The following AGBL4 variants were observed in gnomAD, a reference collection of about 807,000 sequenced individuals.
AGBL4 encodes cytosolic carboxypeptidase 6.
In AGBL4, 58 loss-of-function variants were observed where a neutral mutation model predicts 66.4. That is an observed-to-expected ratio of 0.87 (90% CI 0.71 to 1.09). The LOEUF (loss-of-function observed/expected upper bound fraction) is 1.09, where lower values mean the gene tolerates loss of function less well. Ranked by LOEUF, AGBL4 falls within the 50% of genes least tolerant of loss-of-function variation. The pLI, the probability that AGBL4 is intolerant of heterozygous loss-of-function variation, is 0.00. For synonymous variants in AGBL4, 234 were observed against 222.9 expected (o/e 1.05, Z -0.44); for missense variants, 579 against 631.0 (o/e 0.92, Z 0.88).
chr1:48,711,834 A>G (rs1646972347), intron 6 of AGBL4, among the ~76,000 whole-genome samples: 1 of 151,860 alleles, frequency 6.6e-6, no homozygotes, highest in Non-Finnish European at 1.5e-5. Context: ...CACCCTAACA[A>G]TCTTCTTGCT....
At chr1:48,587,570 C>CT (rs1172195256) in intron 10 of AGBL4, among the ~76,000 whole-genome samples, 1 of 151,772 alleles carries the variant, frequency 6.6e-6, no homozygotes, top group Non-Finnish European at 1.5e-5. Flanking sequence ...TGAGTTCAGC[C>CT]TAGGCAACAT....
At chr1:49,344,683 C>T (rs1364217307) in intron 3 of AGBL4, among the ~76,000 whole-genome samples, 3 of 152,040 alleles carry the variant, frequency 2.0e-5, no homozygotes, top group East Asian at 3.9e-4. Context: ...TGTAATCTTA[C>T]CTTATGATCA....
intron 3 of AGBL4, among the ~76,000 whole-genome samples, chr1:49,584,030 C>G (rs537246999): frequency 1.3e-5 from 2 of 152,248 alleles, no homozygotes; most frequent in Non-Finnish European, 2.9e-5. Flanking sequence ...CTCTTGTTGC[C>G]TTATTTTTTT....
At chr1:49,110,123 T>C (rs974660611) in intron 4 of AGBL4, among the ~76,000 whole-genome samples, 2 of 152,238 alleles carry the variant, frequency 1.3e-5, no homozygotes, top group African/African-American at 2.4e-5. Context: ...TATTACTTGA[T>C]AGCCATCAGT....
chr1:49,650,905 C>A (rs1645990925), intron 3 of AGBL4, among the ~76,000 whole-genome samples: 2 of 152,140 alleles, frequency 1.3e-5, no homozygotes, highest in African/African-American at 4.8e-5. Context: ...ACATGAGTGC[C>A]CTTGGAAACA....
chr1:48,908,605 T>C (rs990724710), intron 5 of AGBL4, among the ~76,000 whole-genome samples: 1 of 152,240 alleles, frequency 6.6e-6, no homozygotes, highest in Admixed American at 6.5e-5. Flanking sequence ...CCTCTATTTA[T>C]GTTATCTGAT....
intron 5 of AGBL4, among the ~76,000 whole-genome samples, chr1:48,911,096 A>C (rs1339700588): frequency 1.3e-5 from 2 of 152,196 alleles, no homozygotes; most frequent in Non-Finnish European, 2.9e-5. Flanking sequence ...CATCAAGCTC[A>C]TTCATCTTTC....
intron 3 of AGBL4, among the ~76,000 whole-genome samples, chr1:49,404,291 A>T (rs1347966185): frequency 6.6e-6 from 1 of 152,206 alleles, no homozygotes; most frequent in Non-Finnish European, 1.5e-5. Context: ...CTCTGAGAAC[A>T]CACACACAGG....
chr1:49,379,052 T>A (rs1644533145), intron 3 of AGBL4, among the ~76,000 whole-genome samples: 1 of 152,094 alleles, frequency 6.6e-6, no homozygotes. Context: ...GTGGTAGGCC[T>A]ATGAAGACTA....
At chr1:48,930,452 T>G (rs1381698359) in intron 5 of AGBL4, among the ~76,000 whole-genome samples, 1 of 152,076 alleles carries the variant, frequency 6.6e-6, no homozygotes, top group Non-Finnish European at 1.5e-5. Context: ...CCCTATATGA[T>G]TTGCCACCAT....
At chr1:49,498,805 T>C (rs1193594770) in intron 3 of AGBL4, among the ~76,000 whole-genome samples, 1 of 151,992 alleles carries the variant, frequency 6.6e-6, no homozygotes, top group Non-Finnish European at 1.5e-5. Flanking sequence ...TCAGATGCCT[T>C]TTCTTCAACT....
chr1:49,030,184 C>T (rs1263562786), intron 5 of AGBL4, among the ~76,000 whole-genome samples: 1 of 152,040 alleles, frequency 6.6e-6, no homozygotes, highest in African/African-American at 2.4e-5. Flanking sequence ...CAATGTGATG[C>T]TATTAGGAGG....
chr1:48,710,367 G>A (rs545098020), intron 6 of AGBL4, among the ~76,000 whole-genome samples: 22 of 151,926 alleles, frequency 1.4e-4, no homozygotes, highest in African/African-American at 4.4e-4. Context: ...TCCCAGCTGA[G>A]AAAGAAGCAG....
chr1:49,149,531 T>G (rs1230670142), intron 4 of AGBL4, among the ~76,000 whole-genome samples: 1 of 152,206 alleles, frequency 6.6e-6, no homozygotes, highest in East Asian at 1.9e-4. Context: ...GAATTCAAGA[T>G]AAAACATTGT....
intron 3 of AGBL4, among the ~76,000 whole-genome samples, chr1:49,635,537 C>T (rs565269647): frequency 3.9e-5 from 6 of 152,138 alleles, no homozygotes; most frequent in South Asian, 2.1e-4. Context: ...TCTCCAAATC[C>T]GTAAGAAAAT....
At chr1:48,534,844 A>T in intron 13 of AGBL4, 46 bp downstream of exon 13, 2 of 1,535,280 alleles carry the variant, frequency 1.3e-6, no homozygotes, top group Non-Finnish European at 1.8e-6. Flanking sequence ...GAGCACATGC[A>T]TGGTATGTTA....
intron 6 of AGBL4, among the ~76,000 whole-genome samples, chr1:48,808,823 A>G (rs1462588042): frequency 6.6e-6 from 1 of 152,250 alleles, no homozygotes; most frequent in Non-Finnish European, 1.5e-5. Context: ...AGAAGGGCTA[A>G]TAATACCTAG....
chr1:49,232,704 TAA>T (rs763315608), intron 4 of AGBL4, among the ~76,000 whole-genome samples: 4 of 137,632 alleles, frequency 2.9e-5, no homozygotes, highest in Non-Finnish European at 3.2e-5. Flanking sequence ...GTCTCAAAAT[TAA>T]AAAAAAAAAA....
intron 6 of AGBL4, among the ~76,000 whole-genome samples, chr1:48,737,866 T>C (rs1174817455): frequency 6.6e-6 from 1 of 152,182 alleles, no homozygotes; most frequent in African/African-American, 2.4e-5. Context: ...AAATGGCCTC[T>C]GTGGGGACAG....
Sources: gnomAD v4.1 joint callset for allele counts (sites outside exome capture counted in the v4.1 genomes callset) on GRCh38, gnomAD v4.1.1 for gene constraint, MANE v1.5 for transcripts, NCBI Gene and HGNC (gene_info 2026-07-23, HGNC 2026-07-21) for gene names.